TMEM176B: variants seen among roughly 807,000 people sequenced by gnomAD.
TMEM176B encodes LR8-like protein.
Under a neutral mutation model 30.3 loss-of-function variants are expected in TMEM176B, and 28 were observed. The ratio of observed to expected loss-of-function variants is 0.92; its 90% CI spans 0.68 to 1.27. The LOEUF (loss-of-function observed/expected upper bound fraction) is 1.27. Ranked by LOEUF, TMEM176B falls within the 50% of genes most tolerant of loss-of-function variation. The pLI, the probability that TMEM176B is intolerant of heterozygous loss-of-function variation, is 0.00. For missense variants in TMEM176B, 349 were observed against 327.4 expected, an observed-to-expected ratio of 1.07 and a Z score of -0.51; for synonymous variants, 123 against 130.3, an observed-to-expected ratio of 0.94 and a Z score of 0.38.
intron 4 of TMEM176B, 54 bp from the exon 5 acceptor site, chr7:150,793,369 T>C: frequency 1.2e-5 from 18 of 1,557,080 alleles, no homozygotes; most frequent in Non-Finnish European, 1.4e-5. Flanking sequence ...GGAAGAGTCA[T>C]GAGGTCCCCG....
intron 1 of TMEM176B, among the ~76,000 whole-genome samples, chr7:150,798,398 C>T (rs995845589): frequency 4.6e-5 from 7 of 152,216 alleles, no homozygotes; most frequent in Non-Finnish European, 1.0e-4. Flanking sequence ...TCTCCTGCCT[C>T]AGCCTCCCGA....
chr7:150,799,795 C>T (rs1798691105), intron 1 of TMEM176B, among the ~76,000 whole-genome samples: 1 of 152,212 alleles, frequency 6.6e-6, no homozygotes, highest in Non-Finnish European at 1.5e-5. Flanking sequence ...GCTTCCCCCG[C>T]CCCACGCCAA....
intron 4 of TMEM176B, 60 bp from the exon 5 acceptor site, chr7:150,793,375 C>T: frequency 6.5e-7 from 1 of 1,544,662 alleles, no homozygotes; most frequent in Non-Finnish European, 8.8e-7. Flanking sequence ...GTCATGAGGT[C>T]CCCGCCTCAA....
intron 2 of TMEM176B, among the ~76,000 whole-genome samples, chr7:150,795,221 T>A (rs888979067): frequency 2.0e-4 from 31 of 152,320 alleles, no homozygotes; most frequent in African/African-American, 7.5e-4. Flanking sequence ...GCGTTCTCAC[T>A]GTCAAAGCTG....
In TMEM176B at chr7:150,792,127, T is replaced by G; in HGVS notation, c.649A>C (p.Lys217Gln). 1 of 1,613,912 alleles carries G rather than the reference T, an allele frequency of 6.2e-7. No individual in the cohort carries two copies. The highest frequency in any genetic ancestry group is 8.5e-7 in the Non-Finnish European group (1 of 1,179,924). The change falls in exon 6 of 7, where the codon AAG becomes CAG. Residue 217 changes from lysine to glutamine, a missense_variant. Physicochemically the swap from Lys to Gln is moderately conservative, Grantham distance 53. Transcript: ENST00000326442. ...RALFLAVCVLKVIVSLVSLGV... is the reference protein window; with the variant it reads ...RALFLAVCVLQVIVSLVSLGV... ...AAGGAAACCAAGGACACAATGACCT[T>G]CAAGACACAGACAGCCAGGAACAGG...
Position 150,793,287 on chromosome 7 carries a change from G to C in TMEM176B, c.401C>G (p.Ala134Gly), listed in dbSNP as rs1306289615. 2 of 1,614,176 alleles carry C rather than the reference G, an allele frequency of 1.2e-6. No individual in the cohort carries two copies. Among genetic ancestry groups the C allele is most frequent in the Non-Finnish European group, 8.5e-7 (1 of 1,180,032 alleles). The change falls in exon 5 of 7, where the codon GCA (alanine) becomes GGA (glycine). Residue 134 changes from alanine (A) to glycine (G), a missense_variant. Physicochemically the swap from Ala to Gly is moderately conservative, Grantham distance 60. Transcript: ENST00000326442. Reference sequence around the variant, plus strand: ...AGCAGCCATAGCTGTAGCAAAGCCTGCCAGGGTGAGCAGGCTGGATATATA... The same window carrying C: ...AGCAGCCATAGCTGTAGCAAAGCCTCCCAGGGTGAGCAGGCTGGATATATA... ...AGYISSLLTL[A>G]GFATAMAAVV... is the part of the protein sequence containing the mutation.
chr7:150,794,938 CA>C (rs1798468068), intron 2 of TMEM176B, among the ~76,000 whole-genome samples: 3 of 151,418 alleles, frequency 2.0e-5, no homozygotes, highest in Admixed American at 1.3e-4. Context: ...CACACACACA[CA>C]CACACACACC....
chr7:150,801,328 C>T (rs1798776091), upstream of TMEM176B: 1 of 507,964 alleles, frequency 2.0e-6, no homozygotes, highest in East Asian at 3.3e-5. Flanking sequence ...TTCCCGCAGG[C>T]TCTGTAGTCG....
intron 1 of TMEM176B, among the ~76,000 whole-genome samples, chr7:150,797,444 C>T (rs981496984): frequency 2.6e-5 from 4 of 152,040 alleles, no homozygotes; most frequent in Admixed American, 1.3e-4. Context: ...ATCATGTGCA[C>T]GTTCAGGGAG....
intron 1 of TMEM176B, among the ~76,000 whole-genome samples, chr7:150,798,099 A>G (rs57293996): frequency 0.2 from 29,801 of 152,128 alleles, 3,079 homozygotes; most frequent in Admixed American, 0.28. Context: ...AAATTTACAC[A>G]TTTGTGCAAT....
chr7:150,799,856 G>A (rs1229887806), intron 1 of TMEM176B, among the ~76,000 whole-genome samples: 1 of 152,194 alleles, frequency 6.6e-6, no homozygotes, highest in Admixed American at 6.5e-5. Context: ...GAACCAGGCC[G>A]GCACCACGGA....
chr7:150,792,959 C>A, intron 5 of TMEM176B, 129 bp downstream of exon 5: 1 of 800,524 alleles, frequency 1.2e-6, no homozygotes. Flanking sequence ...TACATTAAAA[C>A]CTCCTGAATG....
chr7:150,791,919 G>C, intron 6 of TMEM176B, 137 bp downstream of exon 6: 1 of 1,293,964 alleles, frequency 7.7e-7, no homozygotes, highest in Non-Finnish European at 1.1e-6. Context: ...GCAAAGGGGA[G>C]AGCTGCATAT....
At chr7:150,794,532 T>C (rs988833188) in intron 2 of TMEM176B, among the ~76,000 whole-genome samples, 3 of 152,046 alleles carry the variant, frequency 2.0e-5, no homozygotes, top group African/African-American at 4.8e-5. Context: ...GCTGACAGCC[T>C]GCAGTTGTCA....
intron 1 of TMEM176B, among the ~76,000 whole-genome samples, chr7:150,797,931 T>C (rs754792048): frequency 3.9e-5 from 6 of 152,222 alleles, no homozygotes; most frequent in Non-Finnish European, 7.3e-5. Flanking sequence ...TTTTAGTAGA[T>C]ATTGTCAGTT....
intron 1 of TMEM176B, among the ~76,000 whole-genome samples, chr7:150,798,458 G>A (rs1013188507): frequency 2.4e-4 from 36 of 152,206 alleles, no homozygotes; most frequent in African/African-American, 8.4e-4. Context: ...TGTATTTTTA[G>A]TAGAGACGGG....
At chr7:150,793,900 A>G in intron 3 of TMEM176B, 61 bp downstream of exon 3, 1 of 1,401,910 alleles carries the variant, frequency 7.1e-7, no homozygotes. Context: ...AAGATCCATA[A>G]GCGCCTTCTT....
chr7:150,793,701 G>A, intron 3 of TMEM176B, 101 bp from the exon 4 acceptor site: 1 of 1,313,542 alleles, frequency 7.6e-7, no homozygotes, highest in Non-Finnish European at 1.1e-6. Flanking sequence ...TGTGAAGCAG[G>A]ATCCCAGGGA....
At chr7:150,794,354 C>G (rs1336863080) in intron 2 of TMEM176B, among the ~76,000 whole-genome samples, 1 of 151,764 alleles carries the variant, frequency 6.6e-6, no homozygotes, top group African/African-American at 2.4e-5. Context: ...CCCACTTTTC[C>G]CCCCCCATTC....
Sources: allele counts gnomAD v4.1 joint callset (sites outside exome capture counted in the v4.1 genomes callset), GRCh38; gene constraint gnomAD v4.1.1; transcripts MANE v1.5; gene names NCBI Gene and HGNC (gene_info 2026-07-23, HGNC 2026-07-21).